Variants in FAM120A observed in about 807,000 individuals in gnomAD.
The protein encoded by FAM120A is constitutive coactivator of PPAR-gamma-like protein 1.
FAM120A carries 15 observed loss-of-function variants against 109.7 expected under a neutral mutation model. The observed-to-expected ratio is 0.14, with a 90% CI of 0.09 to 0.21. The LOEUF (loss-of-function observed/expected upper bound fraction) is 0.21, where lower values mean the gene tolerates loss of function less well. Among genes scored for constraint, FAM120A ranks in the 10% least tolerant of loss-of-function variants. The probability of loss-of-function intolerance (pLI) is 1.00; values close to 1 mark genes in which losing one functional copy is unlikely to be tolerated. For missense variants in FAM120A, 899 were observed against 1,439.3 expected, an observed-to-expected ratio of 0.62 and a Z score of 6.07; for synonymous variants, 493 against 572.8, an observed-to-expected ratio of 0.86 and a Z score of 1.99.
chr9:93,556,617 C>CT (rs758627761), intron 13 of FAM120A, 26 bp downstream of exon 13: 13 of 1,595,212 alleles, frequency 8.1e-6, no homozygotes, highest in Non-Finnish European at 8.6e-6. Context: ...GGGTGGCTGC[C>CT]TTTAACTGCA....
intron 3 of FAM120A, among the ~76,000 whole-genome samples, chr9:93,479,288 C>T (rs892901270): frequency 2.3e-4 from 35 of 151,810 alleles, no homozygotes; most frequent in African/African-American, 3.9e-4. Context: ...TTAGTAGAGA[C>T]GGGGTTTCAC....
At position 93,456,474 on chromosome 9, in the gene FAM120A, A is replaced by G. The variant is rs984426582; in HGVS notation, c.474+4085A>G. 4.6e-5 allele frequency among the ~76,000 whole-genome samples: 7 copies of G among 152,252 alleles called. No individual in the cohort carries two copies. In the South Asian group the frequency reaches 1.2e-3, roughly 27 times the overall value. On this transcript the variant is annotated intron_variant, in intron 1 of 17. Transcript: ENST00000277165. ...ATGGTTTAGAATTTTCATGGTTAGCATAATTACATGTTTGTATTTAGAGAT... is the reference window on the plus strand; with the variant it reads ...ATGGTTTAGAATTTTCATGGTTAGCGTAATTACATGTTTGTATTTAGAGAT...
intron 1 of FAM120A, among the ~76,000 whole-genome samples, chr9:93,453,922 G>A (rs1159033091): frequency 6.6e-6 from 1 of 152,206 alleles, no homozygotes; most frequent in Non-Finnish European, 1.5e-5. Flanking sequence ...TAACCGCACA[G>A]CTCTCTACTT....
At chr9:93,517,431 T>G (rs1320312593) in intron 7 of FAM120A, among the ~76,000 whole-genome samples, 2 of 152,166 alleles carry the variant, frequency 1.3e-5, no homozygotes, top group African/African-American at 4.8e-5. Context: ...CAAATTTGCA[T>G]TTTAAATAAG....
chr9:93,480,373 G>A (rs987677345), intron 3 of FAM120A, among the ~76,000 whole-genome samples: 1 of 152,132 alleles, frequency 6.6e-6, no homozygotes, highest in Admixed American at 6.5e-5. Flanking sequence ...GGGATTCCTT[G>A]CTGCAGTCCC....
At chr9:93,523,031 G>A (rs1056580460) in intron 7 of FAM120A, among the ~76,000 whole-genome samples, 2 of 152,212 alleles carry the variant, frequency 1.3e-5, no homozygotes, top group African/African-American at 2.4e-5. Context: ...TCAAATGTGC[G>A]TGACAGGTTT....
chr9:93,479,338 TC>T (rs1212309609), intron 3 of FAM120A, among the ~76,000 whole-genome samples: 1 of 152,178 alleles, frequency 6.6e-6, no homozygotes, highest in Non-Finnish European at 1.5e-5. Context: ...GACCTCGTGA[TC>T]CGCCCGCCTC....
intron 7 of FAM120A, among the ~76,000 whole-genome samples, chr9:93,523,558 A>G (rs1006694938): frequency 7.9e-5 from 12 of 152,230 alleles, no homozygotes; most frequent in Non-Finnish European, 1.0e-4. Context: ...CTATATCATT[A>G]CGTTGTGTTC....
intron 11 of FAM120A, among the ~76,000 whole-genome samples, chr9:93,548,642 T>A (rs1861982776): frequency 6.6e-6 from 1 of 152,196 alleles, no homozygotes; most frequent in African/African-American, 2.4e-5. Flanking sequence ...ATATAAAACA[T>A]AGATACTTCA....
Position 93,452,454 on chromosome 9 carries a change from G to A in FAM120A, c.474+65G>A, listed in dbSNP as rs765234116. Reference sequence around the variant, plus strand: ...CGCCGCACCCCTATCCCCCTTCCCAGGGCGCAGAATGTCGCCCGGCCGTGG... The same window carrying A: ...CGCCGCACCCCTATCCCCCTTCCCAAGGCGCAGAATGTCGCCCGGCCGTGG... On this transcript the variant is annotated intron_variant, in intron 1 of 17. Coordinates refer to ENST00000277165, the MANE Select transcript of FAM120A (RefSeq NM_014612.5). The surrounding 1 kb of genome is among the most constrained non-coding windows in gnomAD (Gnocchi z 7.0). 1.3e-6 allele frequency: 2 copies of A among 1,554,446 alleles called. No individual in the cohort carries two copies. The highest frequency in any genetic ancestry group is 1.7e-6 in the Non-Finnish European group (2 of 1,152,596).
rs75115234 is a variant in FAM120A, at chr9:93,482,709, C to T, written c.804+6371C>T. ...CCTTCTTATCGCAGGGACTGTGTCA[C>T]CTCCAGGGTTGGAACACACAGCAGA... On this transcript the variant is annotated intron_variant, in intron 3 of 17. Transcript: ENST00000277165. 6.6e-3 allele frequency among the ~76,000 whole-genome samples: 1,002 copies of T among 152,204 alleles called. 14 individuals carry two copies. Among genetic ancestry groups the T allele is most frequent in the African/African-American group, 0.023 (968 of 41,528 alleles).
chr9:93,486,075 C>A (rs1209705455), intron 3 of FAM120A, among the ~76,000 whole-genome samples: 1 of 152,156 alleles, frequency 6.6e-6, no homozygotes, highest in Non-Finnish European at 1.5e-5. Flanking sequence ...TGGGCCCAGG[C>A]AATCCTCCTG....
At chr9:93,514,009 A>G (rs1435497548) in intron 5 of FAM120A, among the ~76,000 whole-genome samples, 1 of 152,196 alleles carries the variant, frequency 6.6e-6, no homozygotes, top group Non-Finnish European at 1.5e-5. Context: ...TCATACTGCT[A>G]TAAAGAACTG....
intron 1 of FAM120A, among the ~76,000 whole-genome samples, chr9:93,464,741 T>C (rs191946723): frequency 1.3e-5 from 2 of 152,348 alleles, no homozygotes; most frequent in East Asian, 3.9e-4. Flanking sequence ...CCTGGGACTT[T>C]CAGCAAGGAG....
intron 1 of FAM120A, among the ~76,000 whole-genome samples, chr9:93,455,733 G>A (rs1394016831): frequency 6.6e-6 from 1 of 151,916 alleles, no homozygotes; most frequent in Non-Finnish European, 1.5e-5. Context: ...CGCGATCTCG[G>A]CTCACTGCAA....
At chr9:93,533,324 T>C (rs1861399041) in intron 10 of FAM120A, among the ~76,000 whole-genome samples, 1 of 152,244 alleles carries the variant, frequency 6.6e-6, no homozygotes, top group Admixed American at 6.5e-5. Flanking sequence ...GCAATTACTA[T>C]GACAAACTTG....
intron 3 of FAM120A, among the ~76,000 whole-genome samples, 187 bp from the exon 4 acceptor site, chr9:93,497,284 T>C (rs2131347836): frequency 1.3e-5 from 2 of 152,314 alleles, no homozygotes; most frequent in Middle Eastern, 6.8e-3. Flanking sequence ...GAAAATCCAG[T>C]TCTTGAGCTT....
At chr9:93,563,653 T>G (rs1862545920) in intron 17 of FAM120A, among the ~76,000 whole-genome samples, 1 of 152,186 alleles carries the variant, frequency 6.6e-6, no homozygotes, top group African/African-American at 2.4e-5. Context: ...TTTCAGAAAA[T>G]GTGCTGGATT....
intron 7 of FAM120A, chr9:93,523,144 C>T (rs1405162237): frequency 1.2e-5 from 4 of 335,994 alleles, no homozygotes; most frequent in African/African-American, 8.8e-5. Context: ...AAAATCAGAA[C>T]ACTGATGTGG....
Sources: allele counts gnomAD v4.1 joint callset (sites outside exome capture counted in the v4.1 genomes callset), GRCh38; gene constraint gnomAD v4.1.1; non-coding constraint Gnocchi (gnomAD v3.1); transcripts MANE v1.5; gene names NCBI Gene and HGNC (gene_info 2026-07-23, HGNC 2026-07-21).